Variants in MARCHF4 observed in about 807,000 individuals in gnomAD.
MARCHF4 encodes membrane associated ring-CH-type finger 4, also known as E3 ubiquitin-protein ligase MARCHF4.
In MARCHF4, 14 loss-of-function variants were observed where a neutral mutation model predicts 43.9. The observed-to-expected ratio is 0.32, with a 90% CI of 0.21 to 0.50. MARCHF4 has a LOEUF of 0.50. MARCHF4 is among the 20% of genes least tolerant of loss of function. The pLI, the probability that MARCHF4 is intolerant of heterozygous loss-of-function variation, is 0.98. For synonymous variants in MARCHF4, 226 were observed against 213.3 expected, an observed-to-expected ratio of 1.06 and a Z score of -0.52; for missense variants, 468 against 536.7, an observed-to-expected ratio of 0.87 and a Z score of 1.27.
At chr2:216,322,678 C>T (rs1056147179) in intron 1 of MARCHF4, among the ~76,000 whole-genome samples, 5 of 152,188 alleles carry the variant, frequency 3.3e-5, no homozygotes, top group African/African-American at 4.8e-5. Flanking sequence ...AAAAATTAGC[C>T]GGGTGCGGTG....
intron 1 of MARCHF4, among the ~76,000 whole-genome samples, chr2:216,349,066 C>T (rs563526599): frequency 7.2e-5 from 11 of 151,888 alleles, no homozygotes; most frequent in African/African-American, 1.4e-4. Context: ...TGTCTGGTGT[C>T]TTTAGGTTTC....
chr2:216,263,287 T>C (rs1341001072), intron 3 of MARCHF4, among the ~76,000 whole-genome samples: 1 of 152,028 alleles, frequency 6.6e-6, no homozygotes, highest in African/African-American at 2.4e-5. Context: ...ATTAGTCAGC[T>C]ATGGTGACAC....
intron 1 of MARCHF4, 83 bp downstream of exon 1, chr2:216,369,662 G>A (rs766961898): frequency 1.2e-4 from 142 of 1,140,558 alleles, no homozygotes; most frequent in East Asian, 2.4e-4. Flanking sequence ...CAATATAACC[G>A]TTCCCCAGGG....
chr2:216,342,845 C>T (rs1158671497), intron 1 of MARCHF4, among the ~76,000 whole-genome samples: 1 of 152,174 alleles, frequency 6.6e-6, no homozygotes, highest in Non-Finnish European at 1.5e-5. Flanking sequence ...CTAGTTCCTT[C>T]CCAGGCCCTG....
intron 1 of MARCHF4, among the ~76,000 whole-genome samples, chr2:216,363,838 A>G (rs138342100): frequency 9.8e-5 from 15 of 152,330 alleles, no homozygotes; most frequent in African/African-American, 3.4e-4. Flanking sequence ...TGCTGAAGAT[A>G]TATTTGTATA....
At chr2:216,364,703 A>C (rs1217074416) in intron 1 of MARCHF4, among the ~76,000 whole-genome samples, 1 of 152,218 alleles carries the variant, frequency 6.6e-6, no homozygotes, top group Non-Finnish European at 1.5e-5. Context: ...GAGCTTGGAC[A>C]AGCCAGCAGG....
chr2:216,288,742 G>A lies in MARCHF4; in HGVS notation c.517-5013C>T, dbSNP rs368725776. 2.0e-5 allele frequency among the ~76,000 whole-genome samples: 3 copies of A among 152,226 alleles called. No individual in the cohort carries two copies. In the East Asian group the frequency reaches 5.8e-4, roughly 29 times the overall value. ...GCCTTGGTTGTGATGGAGGTGGTGG[G>A]AGGGAGAACAGATGTATTCCGCTCA... On this transcript the variant is annotated intron_variant, in intron 1 of 3. Coordinates refer to ENST00000273067, the MANE Select transcript of MARCHF4 (RefSeq NM_020814.3).
intron 1 of MARCHF4, among the ~76,000 whole-genome samples, chr2:216,351,902 A>C (rs1319445152): frequency 1.3e-5 from 2 of 152,226 alleles, no homozygotes; most frequent in Non-Finnish European, 2.9e-5. Context: ...GGACAAAAAA[A>C]GGCAAATGTA....
At chr2:216,271,454 G>A (rs771638033) in intron 3 of MARCHF4, among the ~76,000 whole-genome samples, 2 of 152,112 alleles carry the variant, frequency 1.3e-5, no homozygotes, top group South Asian at 2.1e-4. Flanking sequence ...ACCTTCCTCT[G>A]TACCATGTAC....
chr2:216,351,399 G>A (rs1692402932), intron 1 of MARCHF4: 1 of 152,548 alleles, frequency 6.6e-6, no homozygotes, highest in South Asian at 2.1e-4. Context: ...ATGCCAAGAA[G>A]CTTGGCTGGT....
chr2:216,340,998 C>T (rs889049331), intron 1 of MARCHF4, among the ~76,000 whole-genome samples: 2 of 152,154 alleles, frequency 1.3e-5, no homozygotes, highest in Non-Finnish European at 2.9e-5. Flanking sequence ...GAACTACGCC[C>T]AGTTGTCAGT....
chr2:216,341,005 C>T (rs1338441633), intron 1 of MARCHF4, among the ~76,000 whole-genome samples: 1 of 152,182 alleles, frequency 6.6e-6, no homozygotes, highest in East Asian at 1.9e-4. Flanking sequence ...GCCCAGTTGT[C>T]AGTCAGTCCC....
intron 3 of MARCHF4, among the ~76,000 whole-genome samples, chr2:216,264,754 G>T (rs571094041): frequency 2.3e-4 from 35 of 152,340 alleles, no homozygotes; most frequent in Admixed American, 4.6e-4. Flanking sequence ...ATTGAAGAGT[G>T]TGACTTAAAT....
intron 3 of MARCHF4, among the ~76,000 whole-genome samples, chr2:216,274,994 T>C (rs1690997793): frequency 6.6e-6 from 1 of 152,170 alleles, no homozygotes; most frequent in Admixed American, 6.5e-5. Flanking sequence ...CCCTCTGCAT[T>C]CCCTCTCCCA....
At chr2:216,287,413 T>C (rs1412377189) in intron 1 of MARCHF4, among the ~76,000 whole-genome samples, 3 of 151,940 alleles carry the variant, frequency 2.0e-5, no homozygotes, top group Non-Finnish European at 4.4e-5. Context: ...AAGGGACTCA[T>C]TAAATGCAAA....
intron 1 of MARCHF4, among the ~76,000 whole-genome samples, chr2:216,297,855 C>T (rs894131518): frequency 6.6e-6 from 1 of 152,196 alleles, no homozygotes; most frequent in African/African-American, 2.4e-5. Context: ...TGACTCTTAG[C>T]CCTGGTGTTG....
chr2:216,267,666 C>A (rs578146825), intron 3 of MARCHF4, among the ~76,000 whole-genome samples: 1 of 152,170 alleles, frequency 6.6e-6, no homozygotes, highest in Non-Finnish European at 1.5e-5. Context: ...GGCTTGATGG[C>A]GTGTTTCATA....
At chr2:216,286,533 AAG>A (rs1691222069) in intron 1 of MARCHF4, among the ~76,000 whole-genome samples, 2 of 144,444 alleles carry the variant, frequency 1.4e-5, no homozygotes, top group Admixed American at 7.0e-5. Flanking sequence ...AAAAAAAAAA[AAG>A]AAGAAGAAGA....
At chr2:216,359,893 G>A (rs1574487967) in intron 1 of MARCHF4, among the ~76,000 whole-genome samples, 1 of 152,160 alleles carries the variant, frequency 6.6e-6, no homozygotes, top group Non-Finnish European at 1.5e-5. Context: ...CTGAATGACT[G>A]AACTTGCACT....
Sources: gnomAD v4.1 joint callset for allele counts (sites outside exome capture counted in the v4.1 genomes callset) on GRCh38, gnomAD v4.1.1 for gene constraint, MANE v1.5 for transcripts, NCBI Gene and HGNC (gene_info 2026-07-23, HGNC 2026-07-21) for gene names.